CAMK2B: variants seen among roughly 807,000 people sequenced by gnomAD.
The protein encoded by CAMK2B is calcium/calmodulin-dependent protein kinase type II subunit beta.
A neutral mutation model predicts 93.7 loss-of-function variants in CAMK2B; 27 were observed. The observed-to-expected ratio is 0.29, with a 90% CI of 0.21 to 0.40. The LOEUF is 0.40. Ranked by LOEUF, CAMK2B falls within the 10% of genes least tolerant of loss-of-function variation. The pLI is 1.00. For missense variants in CAMK2B, 568 were observed against 895.8 expected (o/e 0.63, Z 4.67); for synonymous variants, 374 against 358.8 (o/e 1.04, Z -0.48).
At chr7:44,220,950 C>T (rs1484592284) in intron 20 of CAMK2B, 49 bp from the exon 21 acceptor site, 1 of 1,491,090 alleles carries the variant, frequency 6.7e-7, no homozygotes, top group African/African-American at 1.4e-5. Flanking sequence ...CCCATTCCCC[C>T]CGGACCCCTC....
At chr7:44,320,794 G>A (rs921178630) in intron 1 of CAMK2B, among the ~76,000 whole-genome samples, 1 of 152,216 alleles carries the variant, frequency 6.6e-6, no homozygotes. Context: ...GAGCCAGGCC[G>A]GAAGGCAGAG....
At position 44,248,083 on chromosome 7, in the gene CAMK2B, C is replaced by T. The variant is rs902870638; in HGVS notation, c.342-891G>A. The stretch of plus-strand genomic sequence containing the variant: ...AGCTGCCACATTGGCTGGTGGCTGC[C>T]GTGTTGGGTGGCTCAGTTCCAGCAG... On this transcript the variant is annotated intron_variant, in intron 5 of 23. Transcript: ENST00000395749. This position sits in a 1 kb window ranked among gnomAD's most constrained non-coding sequence, Gnocchi z 4.1. Among the ~76,000 whole-genome samples the T allele has an allele frequency of 2.0e-4, 30 of 152,124 alleles. No individual in the cohort carries two copies. The highest frequency in any genetic ancestry group is 5.6e-4 in the African/African-American group (23 of 41,414).
chr7:44,290,696 G>C (rs1786545351), intron 1 of CAMK2B, among the ~76,000 whole-genome samples: 1 of 152,254 alleles, frequency 6.6e-6, no homozygotes, highest in Non-Finnish European at 1.5e-5. Flanking sequence ...GCTCTTGGGA[G>C]TGCCAGAGGG....
intron 2 of CAMK2B, among the ~76,000 whole-genome samples, chr7:44,282,169 C>G (rs1403467654): frequency 6.6e-6 from 1 of 152,210 alleles, no homozygotes; most frequent in Non-Finnish European, 1.5e-5. Flanking sequence ...GGGATGTCAC[C>G]CAGAGACCCA....
chr7:44,306,952 AG>A (rs144145472), intron 1 of CAMK2B, among the ~76,000 whole-genome samples: 3,274 of 94,426 alleles, frequency 0.035, 293 homozygotes, highest in African/African-American at 0.098. Context: ...GGGGGTGAGT[AG>A]GGGGAGGAGG....
intron 15 of CAMK2B, 73 bp from the exon 16 acceptor site, chr7:44,232,939 G>A: frequency 7.4e-7 from 1 of 1,359,794 alleles, no homozygotes; most frequent in Non-Finnish European, 1.0e-6. Flanking sequence ...AGACCACCAG[G>A]AGGGGAACAG....
At chr7:44,226,036 G>A (rs2877285) in intron 20 of CAMK2B, 39,350 of 634,710 alleles carry the variant, frequency 0.062, 1,465 homozygotes, top group East Asian at 0.085. Context: ...CCAGATCCGC[G>A]CCTCCCGATC....
chr7:44,292,450 T>A (rs1787121832), intron 1 of CAMK2B, among the ~76,000 whole-genome samples: 1 of 152,224 alleles, frequency 6.6e-6, no homozygotes, highest in Admixed American at 6.5e-5. Context: ...TGCCACTGTG[T>A]GCAGCTGCAG....
rs181031021 is a variant in CAMK2B, at chr7:44,224,007, T to C, written c.1597+2509A>G. Among the ~76,000 whole-genome samples, 1 of 152,376 alleles carries C rather than the reference T, an allele frequency of 6.6e-6. No homozygotes were observed. The highest frequency in any genetic ancestry group is 1.5e-5 in the Non-Finnish European group (1 of 68,036). On this transcript the variant is annotated intron_variant, in intron 20 of 23. Transcript: ENST00000395749. This position sits in a 1 kb window ranked among gnomAD's most constrained non-coding sequence, Gnocchi z 4.4. Reference sequence around the variant, plus strand: ...TTCTATAGTCACCTTACACTAATGGTAAGTGAAACTAATCTTCTGTTTAAT... The same window carrying C: ...TTCTATAGTCACCTTACACTAATGGCAAGTGAAACTAATCTTCTGTTTAAT...
intron 1 of CAMK2B, among the ~76,000 whole-genome samples, chr7:44,289,750 C>T (rs915673934): frequency 1.3e-5 from 2 of 152,228 alleles, no homozygotes; most frequent in African/African-American, 2.4e-5. Flanking sequence ...GGGACCCAGG[C>T]GCCTGGAGTG....
intron 2 of CAMK2B, among the ~76,000 whole-genome samples, chr7:44,273,376 G>T (rs1213083239): frequency 6.6e-6 from 1 of 152,112 alleles, no homozygotes; most frequent in Admixed American, 6.5e-5. Flanking sequence ...AGTCATCCCC[G>T]TAACCCCAGG....
intron 1 of CAMK2B, among the ~76,000 whole-genome samples, chr7:44,298,755 G>A (rs1367758741): frequency 1.3e-5 from 2 of 152,174 alleles, no homozygotes; most frequent in Non-Finnish European, 2.9e-5. Flanking sequence ...TATGCAAATG[G>A]AAAACAAGAG....
At chr7:44,275,844 G>A (rs1027701129) in intron 2 of CAMK2B, among the ~76,000 whole-genome samples, 1 of 152,134 alleles carries the variant, frequency 6.6e-6, no homozygotes, top group African/African-American at 2.4e-5. Flanking sequence ...CCTGGATGCA[G>A]GGTCCCTTCC....
intron 1 of CAMK2B, among the ~76,000 whole-genome samples, chr7:44,285,250 C>T (rs1336920910): frequency 2.6e-5 from 4 of 152,222 alleles, no homozygotes; most frequent in African/African-American, 4.8e-5. Flanking sequence ...GAACAGCACA[C>T]GTGAGGCAAG....
chr7:44,254,350 G>A (rs924302358), intron 5 of CAMK2B, among the ~76,000 whole-genome samples, 192 bp downstream of exon 5: 1 of 152,234 alleles, frequency 6.6e-6, no homozygotes, highest in Non-Finnish European at 1.5e-5. Flanking sequence ...GGGCGTGGAG[G>A]GGAGGTGGCC....
chr7:44,237,762 G>A (rs1386048887), intron 13 of CAMK2B, among the ~76,000 whole-genome samples: 2 of 152,204 alleles, frequency 1.3e-5, no homozygotes, highest in African/African-American at 4.8e-5. Flanking sequence ...AGGGTAGGCG[G>A]AGCAGTCACA....
At chr7:44,244,072 C>T (rs1277843468) in intron 6 of CAMK2B, among the ~76,000 whole-genome samples, 5 of 152,176 alleles carry the variant, frequency 3.3e-5, no homozygotes, top group Admixed American at 6.5e-5. Context: ...CCCCAAAGGG[C>T]AAGGAGAAAC....
chr7:44,254,067 G>A (rs1045434045), intron 5 of CAMK2B, among the ~76,000 whole-genome samples: 1 of 152,130 alleles, frequency 6.6e-6, no homozygotes, highest in Non-Finnish European at 1.5e-5. Context: ...GCCACAGCAG[G>A]CTACCAGTGG....
intron 1 of CAMK2B, among the ~76,000 whole-genome samples, chr7:44,315,483 A>G (rs896937086): frequency 7.2e-5 from 11 of 152,190 alleles, no homozygotes; most frequent in Admixed American, 4.6e-4. Flanking sequence ...GTAACTGTGT[A>G]GTTAGTTTTG....
Sources: allele counts gnomAD v4.1 joint callset (sites outside exome capture counted in the v4.1 genomes callset), GRCh38; gene constraint gnomAD v4.1.1; non-coding constraint Gnocchi (gnomAD v3.1); transcripts MANE v1.5; gene names NCBI Gene and HGNC (gene_info 2026-07-23, HGNC 2026-07-21).